Variants in PIBF1 observed in about 807,000 individuals in gnomAD.
PIBF1 encodes the protein progesterone immunomodulatory binding factor 1.
Under a neutral mutation model 112.5 loss-of-function variants are expected in PIBF1, and 90 were observed. The ratio of observed to expected loss-of-function variants is 0.80; its 90% CI spans 0.67 to 0.95. The LOEUF (loss-of-function observed/expected upper bound fraction) is 0.95. Among genes scored for constraint, PIBF1 ranks in the 40% least tolerant of loss-of-function variants. The pLI is 0.00. For missense variants in PIBF1, 915 were observed against 852.3 expected (o/e 1.07, Z -0.92); for synonymous variants, 301 against 288.6 (o/e 1.04, Z -0.44).
chr13:72,923,847 C>T (rs1962034), intron 13 of PIBF1, among the ~76,000 whole-genome samples: 31,632 of 152,094 alleles, frequency 0.21, 3,384 homozygotes, highest in Middle Eastern at 0.27. Context: ...GCCTGTAATC[C>T]CAGCTGTTCC....
chr13:72,998,995 T>C lies in PIBF1; in HGVS notation c.2223T>C (p.Phe741=), dbSNP rs981143507. 3.9e-6 allele frequency: 6 copies of C among 1,548,150 alleles called. No individual in the cohort carries two copies. Among genetic ancestry groups the C allele is most frequent in the Non-Finnish European group, 5.3e-6 (6 of 1,138,364 alleles). ...TATTTACACCTAAACCAACACTCTT[T>C]GTAAGTACAATTTTTAAAACTCATA... ...DNIFTPKPTL[F]TKKEAPEWSK... The change falls in exon 17 of 18, where the codon TTT becomes TTC. Residue 741 remains phenylalanine, a splice_region_variant and synonymous_variant. Coordinates refer to ENST00000326291, the MANE Select transcript of PIBF1 (RefSeq NM_006346.4).
intron 14 of PIBF1, among the ~76,000 whole-genome samples, chr13:72,964,759 A>G (rs1254807914): frequency 6.6e-6 from 1 of 152,154 alleles, no homozygotes; most frequent in Non-Finnish European, 1.5e-5. Context: ...ATTGCTATTA[A>G]TATTTTATTT....
chr13:73,000,436 T>C (rs960684218), intron 17 of PIBF1, among the ~76,000 whole-genome samples: 3 of 152,216 alleles, frequency 2.0e-5, no homozygotes, highest in Non-Finnish European at 4.4e-5. Context: ...GCCTACAGAA[T>C]GGCTGCCCTT....
At chr13:72,869,346 C>T (rs2039058385) in intron 10 of PIBF1, among the ~76,000 whole-genome samples, 1 of 151,598 alleles carries the variant, frequency 6.6e-6, no homozygotes, top group South Asian at 2.1e-4. Flanking sequence ...AATCATCATT[C>T]TCAGTAAACT....
At chr13:72,795,585 A>G (rs1197486614) in intron 4 of PIBF1, 28 bp downstream of exon 4, 5 of 1,334,492 alleles carry the variant, frequency 3.7e-6, no homozygotes, top group East Asian at 2.3e-5. Flanking sequence ...ATTTTTAACT[A>G]TGACATATAT....
chr13:72,892,067 T>C (rs1158475896), intron 10 of PIBF1, among the ~76,000 whole-genome samples: 1 of 152,014 alleles, frequency 6.6e-6, no homozygotes, highest in Non-Finnish European at 1.5e-5. Flanking sequence ...ATGGGGACTT[T>C]GTAGGGTAAT....
At chr13:72,997,067 T>G (rs2043699002) in intron 16 of PIBF1, among the ~76,000 whole-genome samples, 1 of 152,180 alleles carries the variant, frequency 6.6e-6, no homozygotes, top group Non-Finnish European at 1.5e-5. Flanking sequence ...TGAATTTCCC[T>G]TCTAATCTCC....
intron 11 of PIBF1, among the ~76,000 whole-genome samples, chr13:72,901,454 C>T (rs761735281): frequency 1.4e-4 from 22 of 152,126 alleles, no homozygotes; most frequent in Non-Finnish European, 2.4e-4. Flanking sequence ...TTTGGGAGAC[C>T]GAGGCAGGCG....
chr13:72,827,877 G>T lies in PIBF1; in HGVS notation c.1060G>T (p.Ala354Ser), dbSNP rs201073317. Residue 354 changes from alanine to serine, a missense_variant, in exon 8 of 18, where the codon GCT becomes TCT. Ala to Ser is a moderately conservative substitution (Grantham distance 99). Coordinates refer to ENST00000326291, the MANE Select transcript of PIBF1 (RefSeq NM_006346.4). ...LQAQLEESKK[A>S]REEMYEKYVA... ...AGCTCAACTGGAAGAAAGCAAAAAG[G>T]CTAGAGAAGAGATGTATGAAAAATA... The T allele has an allele frequency of 7.5e-6, 12 of 1,592,794 alleles. No homozygotes were observed. The highest frequency in any genetic ancestry group is 1.0e-5 in the Non-Finnish European group (12 of 1,169,428).
intron 8 of PIBF1, among the ~76,000 whole-genome samples, chr13:72,834,806 G>T (rs2037283426): frequency 6.6e-6 from 1 of 151,990 alleles, no homozygotes; most frequent in South Asian, 2.1e-4. Context: ...TGTCATGCTT[G>T]GAAGCAAAGG....
At chr13:72,950,507 T>C (rs1414656882) in intron 14 of PIBF1, among the ~76,000 whole-genome samples, 5 of 152,098 alleles carry the variant, frequency 3.3e-5, no homozygotes, top group Non-Finnish European at 7.4e-5. Context: ...CTCAAATAAA[T>C]TTGTTTATTT....
intron 10 of PIBF1, among the ~76,000 whole-genome samples, chr13:72,858,022 A>ATTGCTTTTT (rs141764023): frequency 5.0e-5 from 7 of 139,962 alleles, no homozygotes; most frequent in Admixed American, 7.1e-5. Flanking sequence ...ACAAATGTAC[A>ATTGCTTTTT]TTGTGTGTGT....
intron 16 of PIBF1, among the ~76,000 whole-genome samples, chr13:72,992,510 G>C (rs2043512274): frequency 6.6e-6 from 1 of 152,086 alleles, no homozygotes; most frequent in African/African-American, 2.4e-5. Context: ...CGTACACAGA[G>C]ATTGTACTCA....
chr13:72,901,700 A>C (rs1244379306), intron 11 of PIBF1, among the ~76,000 whole-genome samples: 3 of 151,700 alleles, frequency 2.0e-5, no homozygotes, highest in Non-Finnish European at 4.4e-5. Context: ...AAAAAAAAAA[A>C]CCAACCAGTA....
At chr13:72,892,808 A>ACACACACG (rs756590218) in intron 10 of PIBF1, among the ~76,000 whole-genome samples, 1 of 149,528 alleles carries the variant, frequency 6.7e-6, no homozygotes, top group African/African-American at 2.5e-5. Flanking sequence ...ACACACACAC[A>ACACACACG]CGCACACGCA....
chr13:72,897,473 T>C (rs977278987), intron 11 of PIBF1, among the ~76,000 whole-genome samples: 1 of 152,220 alleles, frequency 6.6e-6, no homozygotes, highest in Non-Finnish European at 1.5e-5. Context: ...ATTTCAGTAC[T>C]AACATTAGAT....
chr13:72,806,771 G>A (rs555787356), intron 5 of PIBF1, among the ~76,000 whole-genome samples: 6 of 152,188 alleles, frequency 3.9e-5, no homozygotes, highest in African/African-American at 9.6e-5. Context: ...TATCATTGAT[G>A]GGCATTTGGG....
rs180725952 is a variant in PIBF1 at position 72,897,496 on chromosome 13, A to C, written c.1488+3547A>C. On this transcript the variant is annotated intron_variant, in intron 11 of 17. Coordinates refer to ENST00000326291, the MANE Select transcript of PIBF1 (RefSeq NM_006346.4). ...ACTAACATTAGATGTAAATGGCCTAAATGCTCCACTTAAAAAAGGTGCAGA... is the reference window on the plus strand; with the variant it reads ...ACTAACATTAGATGTAAATGGCCTACATGCTCCACTTAAAAAAGGTGCAGA... 5.9e-5 allele frequency among the ~76,000 whole-genome samples: 9 copies of C among 152,306 alleles called. No individual in the cohort carries two copies. In the East Asian group the frequency reaches 1.7e-3, roughly 29 times the overall value.
chr13:72,844,789 A>ACACACACACACGCG (rs1555296218), intron 9 of PIBF1, among the ~76,000 whole-genome samples: 4 of 119,562 alleles, frequency 3.3e-5, no homozygotes, highest in African/African-American at 1.5e-4. Flanking sequence ...ACACACACAC[A>ACACACACACACGCG]CACACACACA....
Sources: allele counts gnomAD v4.1 joint callset (sites outside exome capture counted in the v4.1 genomes callset), GRCh38; gene constraint gnomAD v4.1.1; transcripts MANE v1.5; gene names NCBI Gene and HGNC (gene_info 2026-07-23, HGNC 2026-07-21).